Variants in ABCA13 observed in about 807,000 individuals in gnomAD.
The protein encoded by ABCA13 is ATP-binding cassette sub-family A member 13.
ABCA13 carries 476 observed loss-of-function variants against 478.7 expected under a neutral mutation model. The ratio of observed to expected loss-of-function variants is 0.99; its 90% CI spans 0.92 to 1.07. The LOEUF is 1.07. ABCA13 is among the 50% of genes least tolerant of loss of function. ABCA13 has a pLI of 0.00. For missense variants in ABCA13, 6,060 were observed against 5,910.6 expected (o/e 1.03, Z -0.83); for synonymous variants, 2,252 against 2,158.9 (o/e 1.04, Z -1.20).
chr7:48,328,220 G>C (rs1804624418), intron 27 of ABCA13, among the ~76,000 whole-genome samples: 1 of 152,176 alleles, frequency 6.6e-6, no homozygotes, highest in Non-Finnish European at 1.5e-5. Context: ...TACATGTGCA[G>C]AGCAATGGGG....
At chr7:48,223,317 A>G (rs774216563) in intron 5 of ABCA13, among the ~76,000 whole-genome samples, 2 of 152,202 alleles carry the variant, frequency 1.3e-5, no homozygotes, top group African/African-American at 2.4e-5. Flanking sequence ...TTGGCTGGAT[A>G]TATCAATTTA....
At chr7:48,289,654 C>T (rs967764721) in intron 20 of ABCA13, among the ~76,000 whole-genome samples, 4 of 151,902 alleles carry the variant, frequency 2.6e-5, no homozygotes, top group East Asian at 1.9e-4. Flanking sequence ...CCACCTCGCC[C>T]GGCCCCTCAC....
At chr7:48,578,476 A>G (rs769731891) in intron 55 of ABCA13, among the ~76,000 whole-genome samples, 4 of 152,210 alleles carry the variant, frequency 2.6e-5, no homozygotes, top group Admixed American at 2.6e-4. Flanking sequence ...TACATTAACA[A>G]TCCCCAAAAT....
At chr7:48,626,122 G>A (rs540603299) in intron 59 of ABCA13, among the ~76,000 whole-genome samples, 1 of 152,188 alleles carries the variant, frequency 6.6e-6, no homozygotes, top group Non-Finnish European at 1.5e-5. Flanking sequence ...TAGTGCCAGG[G>A]TCTTGGGATT....
At chr7:48,413,696 G>A (rs1819572234) in intron 41 of ABCA13, among the ~76,000 whole-genome samples, 2 of 152,316 alleles carry the variant, frequency 1.3e-5, no homozygotes, top group South Asian at 4.1e-4. Flanking sequence ...GCAATCTTTT[G>A]TGTGATAAAT....
intron 55 of ABCA13, among the ~76,000 whole-genome samples, chr7:48,566,396 T>A (rs1787067383): frequency 6.6e-6 from 1 of 152,128 alleles, no homozygotes. Flanking sequence ...ACTGCTAGGT[T>A]GAGATAACTG....
At chr7:48,384,439 C>T (rs1254230052) in intron 35 of ABCA13, among the ~76,000 whole-genome samples, 1 of 152,220 alleles carries the variant, frequency 6.6e-6, no homozygotes, top group Non-Finnish European at 1.5e-5. Context: ...CTTCTGGAGC[C>T]ATCAGCTGCG....
chr7:48,352,496 C>A lies in ABCA13; in HGVS notation c.10688+9C>A. On this transcript the variant is annotated intron_variant, in intron 31 of 61. Coordinates refer to ENST00000435803, the MANE Select transcript of ABCA13 (RefSeq NM_152701.5). ...TGCCATACCAGCGACCTGTGAGTAG[C>A]CTGGGGCAGGAGCCACCGACAGTGA... 6.3e-7 allele frequency: 1 copy of A among 1,585,276 alleles called. No individual in the cohort carries two copies. The highest frequency in any genetic ancestry group is 8.6e-7 in the Non-Finnish European group (1 of 1,163,376).
At chr7:48,192,914 C>G (rs750544056) in intron 1 of ABCA13, 45 bp from the exon 2 acceptor site, 11 of 1,367,092 alleles carry the variant, frequency 8.0e-6, no homozygotes, top group Non-Finnish European at 1.1e-5. Context: ...ATTGTAATAC[C>G]TTACAATTTA....
rs780947859 is a variant in ABCA13, at chr7:48,274,415, C to A, written c.4749C>A (p.Thr1583=). 6.2e-7 allele frequency: 1 copy of A among 1,612,746 alleles called. No homozygotes were observed. The highest frequency in any genetic ancestry group is 8.5e-7 in the Non-Finnish European group (1 of 1,179,500). The stretch of plus-strand genomic sequence containing the variant: ...AAAACTTGTTAAACATATTTGCCAC[C>A]AGTCCAAAAGAAAAGGATGTAAACA... ...KTENLLNIFA[T]SPKEKDVNSV... is the part of the protein sequence containing the mutation. Residue 1583 remains threonine, a synonymous_variant, in exon 17 of 62, where the codon ACC becomes ACA. Transcript: ENST00000435803.
chr7:48,552,121 C>T lies in ABCA13; in HGVS notation c.14354+23776C>T, dbSNP rs114347494. ...TAATTTAAGAAAATAATTTTGGTTTCCTTGCAGTCCTTACTAATTTTAACC... is the reference window on the plus strand; with the variant it reads ...TAATTTAAGAAAATAATTTTGGTTTTCTTGCAGTCCTTACTAATTTTAACC... On this transcript the variant is annotated intron_variant, in intron 55 of 61. Transcript: ENST00000435803. 7.5e-3 allele frequency among the ~76,000 whole-genome samples: 1,133 copies of T among 151,668 alleles called. 17 individuals are homozygous for T. The highest frequency in any genetic ancestry group is 0.026 in the African/African-American group (1,067 of 41,412).
intron 43 of ABCA13, among the ~76,000 whole-genome samples, chr7:48,465,677 T>G (rs1826798622): frequency 6.6e-6 from 1 of 152,130 alleles, no homozygotes; most frequent in African/African-American, 2.4e-5. Context: ...CTCAAATATT[T>G]ATAATGTCTT....
At chr7:48,396,722 C>G (rs1321830174) in intron 38 of ABCA13, among the ~76,000 whole-genome samples, 1 of 152,172 alleles carries the variant, frequency 6.6e-6, no homozygotes, top group African/African-American at 2.4e-5. Flanking sequence ...AACAGTTGCT[C>G]TCCCTGGGGT....
chr7:48,275,560 CA>C lies in ABCA13; in HGVS notation c.5898del (p.Val1967LeufsTer11). 1 of 1,613,606 alleles carries C rather than the reference CA, an allele frequency of 6.2e-7. No individual in the cohort carries two copies. The highest frequency in any genetic ancestry group is 8.5e-7 in the Non-Finnish European group (1 of 1,179,780). ...IIEKLKNVNF[T>X]KVTSGENILD... ...GAAAAACTTAAAAATGTCAACTTTA[CA>C]AAAGTTACATCAGGTGAAAATATTC... On this transcript the variant is annotated frameshift_variant, in exon 17 of 62. Coordinates refer to ENST00000435803, the MANE Select transcript of ABCA13 (RefSeq NM_152701.5). LOFTEE classifies it high-confidence loss of function.
chr7:48,198,425 C>T (rs1798233106), intron 3 of ABCA13, 65 bp downstream of exon 3: 1 of 1,566,454 alleles, frequency 6.4e-7, no homozygotes, highest in East Asian at 2.3e-5. Context: ...CAGGCTTCTG[C>T]TTTTTGTAAA....
At chr7:48,420,679 A>G (rs1486320230) in intron 41 of ABCA13, among the ~76,000 whole-genome samples, 1 of 150,628 alleles carries the variant, frequency 6.6e-6, no homozygotes, top group Non-Finnish European at 1.5e-5. Context: ...CAGCTGCCCC[A>G]TCCTACACAG....
chr7:48,197,490 A>T (rs1439511963), intron 2 of ABCA13, among the ~76,000 whole-genome samples: 1 of 152,122 alleles, frequency 6.6e-6, no homozygotes, highest in Non-Finnish European at 1.5e-5. Context: ...TAGGATGAGG[A>T]GGGCCCGGCT....
intron 42 of ABCA13, among the ~76,000 whole-genome samples, chr7:48,437,317 T>A (rs1822982375): frequency 6.6e-6 from 1 of 152,056 alleles, no homozygotes; most frequent in East Asian, 1.9e-4. Context: ...GTTTATTCTA[T>A]CTGATATTAG....
intron 38 of ABCA13, among the ~76,000 whole-genome samples, chr7:48,400,363 T>A (rs1012970445): frequency 6.6e-6 from 1 of 152,236 alleles, no homozygotes; most frequent in Non-Finnish European, 1.5e-5. Flanking sequence ...GAGCAGCATC[T>A]GAAACACATT....
Sources: allele counts gnomAD v4.1 joint callset (sites outside exome capture counted in the v4.1 genomes callset), GRCh38; gene constraint gnomAD v4.1.1; transcripts MANE v1.5; gene names NCBI Gene and HGNC (gene_info 2026-07-23, HGNC 2026-07-21).